ITPR1: variants seen among roughly 807,000 people sequenced by gnomAD.
ITPR1 encodes inositol 1,4,5-trisphosphate-gated calcium channel ITPR1.
ITPR1 carries 96 observed loss-of-function variants against 318.4 expected under a neutral mutation model. The ratio of observed to expected loss-of-function variants is 0.30; its 90% confidence interval spans 0.26 to 0.36. The LOEUF is 0.36. ITPR1 is among the 10% of genes least tolerant of loss of function. The pLI is 1.00. For missense variants in ITPR1, 2,440 were observed against 3,460.2 expected (o/e 0.71, Z 7.40); for synonymous variants, 1,312 against 1,289.9 (o/e 1.02, Z -0.37).
chr3:4,844,053 G>C (rs1407710630), intron 61 of ITPR1, among the ~76,000 whole-genome samples: 2 of 151,630 alleles, frequency 1.3e-5, no homozygotes, highest in Non-Finnish European at 2.9e-5. Context: ...ACTTTGAGTT[G>C]AAAGATTTCA....
chr3:4,531,593 C>G (rs763578780), intron 4 of ITPR1, among the ~76,000 whole-genome samples: 17 of 152,190 alleles, frequency 1.1e-4, no homozygotes, highest in African/African-American at 4.1e-4. Context: ...CACTGCTTAC[C>G]TCTCAGCCTT....
At chr3:4,762,652 G>C (rs1196787555) in intron 44 of ITPR1, among the ~76,000 whole-genome samples, 1 of 152,206 alleles carries the variant, frequency 6.6e-6, no homozygotes, top group East Asian at 1.9e-4. Context: ...TGTGGATTCA[G>C]AGAGGCTGGG....
At chr3:4,564,221 G>A (rs547188744) in intron 4 of ITPR1, among the ~76,000 whole-genome samples, 10 of 152,272 alleles carry the variant, frequency 6.6e-5, no homozygotes, top group East Asian at 1.9e-4. Flanking sequence ...GATTACAGGC[G>A]TGAGCCACCG....
intron 4 of ITPR1, among the ~76,000 whole-genome samples, chr3:4,553,122 G>A (rs11130058): frequency 0.16 from 24,449 of 152,114 alleles, 2,307 homozygotes; most frequent in Non-Finnish European, 0.21. Context: ...AAGTGCCATG[G>A]GACCACAGAT....
chr3:4,647,335 AT>A (rs1482860752), intron 10 of ITPR1, among the ~76,000 whole-genome samples: 3 of 152,190 alleles, frequency 2.0e-5, no homozygotes, highest in African/African-American at 7.2e-5. Flanking sequence ...ACTTCTGGCT[AT>A]TTCAAATAAA....
Position 4,846,916 on chromosome 3 carries a change from A to T in ITPR1, c.*691A>T, listed in dbSNP as rs1342861288. The T allele has an allele frequency of 2.6e-5, 4 of 152,688 alleles. No individual in the cohort carries two copies. Among genetic ancestry groups the T allele is most frequent in the African/African-American group, 9.6e-5 (4 of 41,482 alleles). The allele number at this position is 152,688 out of a possible 1,614,324, so 9.5% of individuals were successfully genotyped here. ...TTTTAAGCTTCTAAATTGATCATTTAAACTATTTCTTTAAATAAGAGAGCC... is the reference window on the plus strand; with the variant it reads ...TTTTAAGCTTCTAAATTGATCATTTTAACTATTTCTTTAAATAAGAGAGCC... On this transcript the variant is annotated 3_prime_UTR_variant, in exon 62 of 62. Transcript: ENST00000649015.
At chr3:4,831,379 G>C (rs571587959) in intron 60 of ITPR1, 1 of 251,934 alleles carries the variant, frequency 4.0e-6, no homozygotes, top group African/African-American at 2.2e-5. Context: ...TTGCTGTGAC[G>C]GGAACTGTAC....
At chr3:4,567,294 A>AC (rs2125028673) in intron 4 of ITPR1, among the ~76,000 whole-genome samples, 1 of 152,228 alleles carries the variant, frequency 6.6e-6, no homozygotes, top group South Asian at 2.1e-4. Flanking sequence ...TTCCTGTAGC[A>AC]CTAGTGATCA....
chr3:4,818,554 C>T (rs533729741), intron 60 of ITPR1, among the ~76,000 whole-genome samples: 25 of 152,160 alleles, frequency 1.6e-4, no homozygotes, highest in Non-Finnish European at 2.4e-4. Context: ...GATTTCCTGT[C>T]GCTATGTGAA....
At chr3:4,539,423 A>T (rs1403346868) in intron 4 of ITPR1, among the ~76,000 whole-genome samples, 2 of 152,170 alleles carry the variant, frequency 1.3e-5, no homozygotes, top group African/African-American at 4.8e-5. Context: ...TGTGCTATAT[A>T]TGAGTTTGTT....
chr3:4,605,715 T>A (rs1468167065), intron 4 of ITPR1, among the ~76,000 whole-genome samples: 2 of 152,152 alleles, frequency 1.3e-5, no homozygotes, highest in South Asian at 2.1e-4. Flanking sequence ...TTCTGTAAAT[T>A]TGCAGTTGTC....
chr3:4,768,604 G>A lies in ITPR1; in HGVS notation c.5819G>A (p.Arg1940Lys). 1 of 1,614,050 alleles carries A rather than the reference G, an allele frequency of 6.2e-7. No homozygotes were observed. The highest frequency in any genetic ancestry group is 8.5e-7 in the Non-Finnish European group (1 of 1,179,892). Reference protein sequence around the residue: ...ATRKAFTTFRREADPDDHYQP... With the variant: ...ATRKAFTTFRKEADPDDHYQP... ...AGGAAAGCCTTCACCACTTTCAGGA[G>A]GGAGGCTGATCCCGACGACCACTAC... Residue 1940 changes from arginine to lysine, a missense_variant, in exon 46 of 62, where the codon AGG (arginine) becomes AAG (lysine). This residue lies in a region of ITPR1 where 113 missense variants were observed against 103.6 expected (regional missense o/e 1.09). Coordinates refer to ENST00000649015, the MANE Select transcript of ITPR1 (RefSeq NM_001378452.1).
At chr3:4,666,968 C>A (rs746784883) in intron 17 of ITPR1, among the ~76,000 whole-genome samples, 22 of 152,316 alleles carry the variant, frequency 1.4e-4, no homozygotes, top group Non-Finnish European at 2.4e-4. Context: ...TGTTCCAGAT[C>A]TCCAGGTAGG....
At chr3:4,711,546 G>A (rs2041372475) in intron 38 of ITPR1, 5 of 541,674 alleles carry the variant, frequency 9.2e-6, no homozygotes, top group Non-Finnish European at 1.6e-5. Flanking sequence ...CAGTGAGCCT[G>A]TTTGCTGTGA....
intron 30 of ITPR1, 121 bp downstream of exon 30, chr3:4,685,327 T>A: frequency 2.0e-6 from 2 of 997,420 alleles, no homozygotes; most frequent in South Asian, 2.1e-5. Flanking sequence ...CTATTGTGAC[T>A]ACAAAGCAAT....
intron 39 of ITPR1, among the ~76,000 whole-genome samples, chr3:4,712,128 T>C (rs1182069713): frequency 6.6e-6 from 1 of 152,226 alleles, no homozygotes; most frequent in Non-Finnish European, 1.5e-5. Flanking sequence ...GAAGTGGTAA[T>C]AACAAGATTT....
chr3:4,702,975 A>G (rs757045426), intron 36 of ITPR1, 25 bp downstream of exon 36: 11 of 1,603,406 alleles, frequency 6.9e-6, no homozygotes, highest in Middle Eastern at 1.7e-4. Context: ...CAGTTTGGAT[A>G]TACGTGATGA....
chr3:4,790,064 A>T (rs2047455801), intron 52 of ITPR1, among the ~76,000 whole-genome samples: 1 of 152,240 alleles, frequency 6.6e-6, no homozygotes, highest in African/African-American at 2.4e-5. Flanking sequence ...TTTATGTATA[A>T]TGTATGTATT....
rs2050051697 is a variant in ITPR1, at chr3:4,826,007, C to T, written c.8028+7765C>T. Reference sequence around the variant, plus strand: ...TTTAAGGAACTCAGAAGTTGGAGTCCCTGCCAGACAGCACTTAGGTGCAGG... The same window carrying T: ...TTTAAGGAACTCAGAAGTTGGAGTCTCTGCCAGACAGCACTTAGGTGCAGG... On this transcript the variant is annotated intron_variant, in intron 60 of 61. Transcript: ENST00000649015. The surrounding 1 kb of genome is among the most constrained non-coding windows in gnomAD (Gnocchi z 4.2). 3 of 355,782 alleles carry T rather than the reference C, an allele frequency of 8.4e-6. No individual in the cohort carries two copies. The highest frequency in any genetic ancestry group is 1.0e-3 in the Middle Eastern group (1 of 988). The allele number at this position is 355,782 out of a possible 1,614,324, so 22.0% of individuals were successfully genotyped here.
Sources: allele counts gnomAD v4.1 joint callset (sites outside exome capture counted in the v4.1 genomes callset), GRCh38; gene constraint gnomAD v4.1.1; regional missense constraint gnomAD v4.1.1; non-coding constraint Gnocchi (gnomAD v3.1); transcripts MANE v1.5; gene names NCBI Gene and HGNC (gene_info 2026-07-23, HGNC 2026-07-21).